Variants in ZNF346 observed in about 807,000 individuals in gnomAD.
ZNF346 encodes the protein zinc finger protein 346, also known as double-stranded RNA-binding zinc finger protein JAZ.
A neutral mutation model predicts 33.7 loss-of-function variants in ZNF346; 23 were observed. The ratio of observed to expected loss-of-function variants is 0.68; its 90% confidence interval spans 0.49 to 0.97. The LOEUF (loss-of-function observed/expected upper bound fraction) is 0.97. Ranked by LOEUF, ZNF346 falls within the 50% of genes least tolerant of loss-of-function variation. The probability of loss-of-function intolerance (pLI) is 0.00; values close to 1 mark genes in which losing one functional copy is unlikely to be tolerated. For missense variants in ZNF346, 340 were observed against 371.1 expected, an observed-to-expected ratio of 0.92 and a Z score of 0.69; for synonymous variants, 134 against 142.4, an observed-to-expected ratio of 0.94 and a Z score of 0.42.
At chr5:177,038,486 T>G (rs1778871840) in intron 1 of ZNF346, among the ~76,000 whole-genome samples, 1 of 151,348 alleles carries the variant, frequency 6.6e-6, no homozygotes, top group Non-Finnish European at 1.5e-5. Context: ...ATAGCATTTC[T>G]AATTCTCTGT....
chr5:177,047,339 TG>T (rs376778241), intron 4 of ZNF346, among the ~76,000 whole-genome samples: 1 of 150,384 alleles, frequency 6.6e-6, no homozygotes, highest in Admixed American at 6.6e-5. Flanking sequence ...GTTTGTTTTT[TG>T]TTTTTTTTTT....
chr5:177,072,405 A>C (rs1047920920), downstream of ZNF346, among the ~76,000 whole-genome samples: 1 of 152,146 alleles, frequency 6.6e-6, no homozygotes, highest in African/African-American at 2.4e-5. Flanking sequence ...TTGGGTGACA[A>C]ACCTGCTCCA....
intron 3 of ZNF346, 147 bp downstream of exon 3, chr5:177,042,017 T>TCTG: frequency 3.7e-6 from 2 of 537,278 alleles, no homozygotes; most frequent in Admixed American, 3.3e-5. Context: ...AAGCCTTGAT[T>TCTG]TCTTCCTCTA....
intron 6 of ZNF346, among the ~76,000 whole-genome samples, chr5:177,062,931 G>A (rs1198337015): frequency 6.6e-6 from 1 of 152,242 alleles, no homozygotes; most frequent in African/African-American, 2.4e-5. Context: ...CTCTTCCCAA[G>A]GCGTCAGGCT....
At chr5:177,061,949 C>A in intron 5 of ZNF346, 109 bp from the exon 6 acceptor site, 1 of 910,144 alleles carries the variant, frequency 1.1e-6, no homozygotes, top group Non-Finnish European at 1.7e-6. Context: ...GCAACCTCAC[C>A]TCGCCTCACC....
chr5:177,049,617 T>C (rs1016011630), intron 4 of ZNF346, among the ~76,000 whole-genome samples: 13 of 152,206 alleles, frequency 8.5e-5, no homozygotes, highest in African/African-American at 2.9e-4. Context: ...GTAAGAGCTA[T>C]AGCCTTCAGG....
chr5:177,051,214 A>G (rs1169573606), intron 5 of ZNF346, among the ~76,000 whole-genome samples: 1 of 121,666 alleles, frequency 8.2e-6, no homozygotes, highest in Non-Finnish European at 1.6e-5. Flanking sequence ...TTGCTCTGTC[A>G]CCCAGGCTGG....
At chr5:177,076,209 C>G (rs999291398) in intron 8 of ZNF346, among the ~76,000 whole-genome samples, 2 of 152,222 alleles carry the variant, frequency 1.3e-5, no homozygotes, top group African/African-American at 4.8e-5. Context: ...CAATATTTCT[C>G]TCTTGGATCA....
At chr5:177,054,359 C>G (rs1394040771) in intron 5 of ZNF346, among the ~76,000 whole-genome samples, 1 of 151,770 alleles carries the variant, frequency 6.6e-6, no homozygotes, top group Non-Finnish European at 1.5e-5. Context: ...ACATGAGCCA[C>G]CATGCCCAAT....
At chr5:177,050,623 G>T in intron 4 of ZNF346, 128 bp from the exon 5 acceptor site, 1 of 947,660 alleles carries the variant, frequency 1.1e-6, no homozygotes, top group Non-Finnish European at 1.7e-6. Flanking sequence ...TGGTGTCACA[G>T]CCCTTTCTAT....
intron 8 of ZNF346, among the ~76,000 whole-genome samples, chr5:177,074,068 T>TA: frequency 6.6e-6 from 1 of 152,232 alleles, no homozygotes; most frequent in South Asian, 2.1e-4. Context: ...CCAGACCCTC[T>TA]AGCATAGCCA....
At chr5:177,040,009 T>A (rs569266680) in intron 1 of ZNF346, among the ~76,000 whole-genome samples, 1 of 151,852 alleles carries the variant, frequency 6.6e-6, no homozygotes, top group Admixed American at 6.6e-5. Context: ...TGAAACCCCG[T>A]CTCTACTAAA....
At chr5:177,037,731 TCCATTCTTGTCC>T (rs1378983162) in intron 1 of ZNF346, among the ~76,000 whole-genome samples, 2 of 152,186 alleles carry the variant, frequency 1.3e-5, no homozygotes, top group Non-Finnish European at 2.9e-5. Context: ...TCTTTCTGCT[TCCATTCTTGTCC>T]CCATACAGTC....
chr5:177,024,385 A>C (rs1464678535), intron 1 of ZNF346, among the ~76,000 whole-genome samples: 3 of 151,796 alleles, frequency 2.0e-5, no homozygotes, highest in Admixed American at 6.6e-5. Flanking sequence ...TTTAGTAGAG[A>C]TGGGGTTTCA....
rs143752544 is a variant in ZNF346, at chr5:177,035,927, C to T, written c.176-5199C>T. 4.2e-4 allele frequency among the ~76,000 whole-genome samples: 64 copies of T among 152,096 alleles called. 1 individual carries two copies. The East Asian group carries it at 7.7e-3, about 18-fold the overall frequency. On this transcript the variant is annotated intron_variant, in intron 1 of 6. Transcript: ENST00000358149. ...GTGCTGGTATTACAGGCGTGAGCTA[C>T]CGCACCCGGCCTAATTGACAATTTT... is the stretch of plus-strand genomic sequence containing the variant.
At chr5:177,029,335 C>G (rs1266477911) in intron 1 of ZNF346, among the ~76,000 whole-genome samples, 2 of 152,162 alleles carry the variant, frequency 1.3e-5, no homozygotes, top group Non-Finnish European at 2.9e-5. Context: ...CACCCCAATT[C>G]CATGGGGATA....
chr5:177,028,391 T>G (rs1370111709), intron 1 of ZNF346, among the ~76,000 whole-genome samples: 2 of 150,382 alleles, frequency 1.3e-5, no homozygotes, highest in Admixed American at 1.3e-4. Context: ...CTTTTCTAGT[T>G]TCTAAGGTAA....
chr5:177,024,885 A>G (rs973852933), intron 1 of ZNF346, among the ~76,000 whole-genome samples: 22 of 152,172 alleles, frequency 1.4e-4, no homozygotes, highest in African/African-American at 5.1e-4. Flanking sequence ...CACTTCTCCC[A>G]CATTTATGTG....
In ZNF346 at chr5:177,022,885, C is replaced by T. The variant is rs1775998888; in HGVS notation, c.147C>T (p.Ser49=). 1 of 1,506,254 alleles carries T rather than the reference C, an allele frequency of 6.6e-7. No individual in the cohort carries two copies. 93.3% of individuals were successfully genotyped at this position (1,506,254 alleles called of 1,614,324 possible). The change falls in exon 1 of 7, where the codon TCC becomes TCT. Residue 49 remains serine (S), a synonymous_variant. Transcript: ENST00000358149. ...ERARRLWEAV[S]GAQPVGREEV... is the part of the protein sequence containing the mutation. ...CGCGCCGCCTGTGGGAAGCCGTGTC[C>T]GGTGCCCAGCCGGTGGGTAGAGAGG...
Sources: allele counts gnomAD v4.1 joint callset (sites outside exome capture counted in the v4.1 genomes callset), GRCh38; gene constraint gnomAD v4.1.1; transcripts MANE v1.5; gene names NCBI Gene and HGNC (gene_info 2026-07-23, HGNC 2026-07-21).